The following CEP97 variants were observed in gnomAD, a reference collection of about 807,000 sequenced individuals.
CEP97 encodes centrosomal protein 97, also known as centrosomal protein of 97 kDa.
In CEP97, 43 loss-of-function variants were observed where a neutral mutation model predicts 73.1. The observed-to-expected ratio is 0.59, with a 90% confidence interval of 0.46 to 0.76. The LOEUF is 0.76. CEP97 is among the 30% of genes least tolerant of loss of function. The pLI is 0.00. For synonymous variants in CEP97, 337 were observed against 370.0 expected (o/e 0.91, Z 1.02); for missense variants, 939 against 1,014.0 (o/e 0.93, Z 1.00).
intron 6 of CEP97, among the ~76,000 whole-genome samples, chr3:101,748,842 G>A (rs907094105): frequency 6.6e-5 from 10 of 151,910 alleles, no homozygotes; most frequent in Admixed American, 3.3e-4. Flanking sequence ...GGGTTTCACC[G>A]TGTTAGCCAG....
At chr3:101,760,779 GTCC>G (rs1939151379) in intron 9 of CEP97, among the ~76,000 whole-genome samples, 1 of 152,078 alleles carries the variant, frequency 6.6e-6, no homozygotes, top group Non-Finnish European at 1.5e-5. Flanking sequence ...GCCTCAAGCA[GTCC>G]TCCTGCCTCA....
intron 6 of CEP97, among the ~76,000 whole-genome samples, chr3:101,733,491 TGTG>T (rs1358892972): frequency 1.3e-5 from 2 of 152,168 alleles, no homozygotes; most frequent in African/African-American, 2.4e-5. Flanking sequence ...TAGTAGCAGA[TGTG>T]GTGATTGGTC....
intron 6 of CEP97, among the ~76,000 whole-genome samples, chr3:101,750,547 TC>T (rs1938775476): frequency 6.6e-6 from 1 of 152,204 alleles, no homozygotes; most frequent in Non-Finnish European, 1.5e-5. Context: ...GGTCCTGGAC[TC>T]TTTTTGGTTG....
intron 4 of CEP97, among the ~76,000 whole-genome samples, chr3:101,731,260 G>A (rs1296104333): frequency 1.3e-5 from 2 of 148,642 alleles, no homozygotes; most frequent in Non-Finnish European, 3.0e-5. Flanking sequence ...GAGTGCAGTG[G>A]TGCAGTCATG....
intron 7 of CEP97, 140 bp from the exon 8 acceptor site, chr3:101,756,923 A>C: frequency 5.5e-6 from 4 of 721,330 alleles, no homozygotes; most frequent in Non-Finnish European, 6.7e-6. Flanking sequence ...TCAAATGAGG[A>C]TTTATAATTT....
chr3:101,767,282 A>G lies in CEP97; in HGVS notation c.*1731A>G, dbSNP rs1687976434. On this transcript the variant is annotated 3_prime_UTR_variant, in exon 11 of 11. Coordinates refer to ENST00000341893, the MANE Select transcript of CEP97 (RefSeq NM_024548.4). The stretch of plus-strand genomic sequence containing the variant: ...TCTTACTTTCAGAAGGATTTTCCTT[A>G]GTGAAACATGTGTAACATTGAATGC... 6.6e-6 allele frequency: 1 copy of G among 152,238 alleles called. No homozygotes were observed. The highest frequency in any genetic ancestry group is 2.4e-5 in the African/African-American group (1 of 41,456). 9.4% of individuals were successfully genotyped at this position (152,238 alleles called of 1,614,324 possible). A position where few individuals can be genotyped will look rare whatever the true frequency, so the allele number is the denominator to read the frequency against.
intron 6 of CEP97, among the ~76,000 whole-genome samples, chr3:101,743,640 C>T (rs1938524679): frequency 6.6e-6 from 1 of 152,140 alleles, no homozygotes; most frequent in African/African-American, 2.4e-5. Context: ...GAGCAGTCCT[C>T]TTACCTCAGC....
At chr3:101,731,526 T>C (rs373948769) in intron 4 of CEP97, among the ~76,000 whole-genome samples, 1 of 152,004 alleles carries the variant, frequency 6.6e-6, no homozygotes, top group South Asian at 2.1e-4. Flanking sequence ...TAAAAGAAAA[T>C]GAAAAAGTGT....
At chr3:101,753,737 G>A (rs9810873) in intron 6 of CEP97, among the ~76,000 whole-genome samples, 10 of 152,198 alleles carry the variant, frequency 6.6e-5, no homozygotes, top group African/African-American at 1.7e-4. Context: ...CTGGTGCACC[G>A]TTTTTTAAGC....
chr3:101,738,756 A>G (rs1229667115), intron 6 of CEP97, among the ~76,000 whole-genome samples: 2 of 152,216 alleles, frequency 1.3e-5, no homozygotes, highest in African/African-American at 4.8e-5. Context: ...TTAACACCGT[A>G]ACATAACAAT....
chr3:101,747,508 C>A (rs1308198342), intron 6 of CEP97, among the ~76,000 whole-genome samples: 1 of 151,564 alleles, frequency 6.6e-6, no homozygotes, highest in Non-Finnish European at 1.5e-5. Context: ...ATCCGCCCAC[C>A]TCAGCCTCCC....
intron 4 of CEP97, among the ~76,000 whole-genome samples, chr3:101,729,515 A>G (rs1196875208): frequency 1.3e-5 from 2 of 152,126 alleles, no homozygotes; most frequent in Non-Finnish European, 2.9e-5. Flanking sequence ...AATATTAGTA[A>G]CTTCAGTTAT....
At position 101,767,294 on chromosome 3, in the gene CEP97, G is replaced by A. The variant is rs536455375; in HGVS notation, c.*1743G>A. The A allele has an allele frequency of 6.6e-6, 1 of 152,244 alleles. No homozygotes were observed. Among genetic ancestry groups the A allele is most frequent in the South Asian group, 2.1e-4 (1 of 4,818 alleles). 9.4% of individuals were successfully genotyped at this position (152,244 alleles called of 1,614,324 possible). On this transcript the variant is annotated 3_prime_UTR_variant, in exon 11 of 11. Transcript: ENST00000341893. ...AAGGATTTTCCTTAGTGAAACATGT[G>A]TAACATTGAATGCATGTTAAATAAA...
At chr3:101,763,500 T>C (rs1939222743) in intron 10 of CEP97, among the ~76,000 whole-genome samples, 1 of 151,902 alleles carries the variant, frequency 6.6e-6, no homozygotes, top group Non-Finnish European at 1.5e-5. Context: ...CACACACCAG[T>C]GTGCTCAGCT....
intron 10 of CEP97, among the ~76,000 whole-genome samples, chr3:101,763,739 A>G (rs78646328): frequency 0.019 from 2,936 of 152,334 alleles, 58 homozygotes; most frequent in Non-Finnish European, 0.031. Context: ...AGAAAGTTGC[A>G]TATACTATAT....
At chr3:101,729,731 C>G (rs1376331059) in intron 4 of CEP97, among the ~76,000 whole-genome samples, 1 of 151,942 alleles carries the variant, frequency 6.6e-6, no homozygotes, top group Non-Finnish European at 1.5e-5. Flanking sequence ...ATCACCACAC[C>G]CAGCTAATTT....
In CEP97 at chr3:101,732,630, G is replaced by T; in HGVS notation, c.704G>T (p.Gly235Val). 8 of 1,608,804 alleles carry T rather than the reference G, an allele frequency of 5.0e-6. No individual in the cohort carries two copies. Among genetic ancestry groups the T allele is most frequent in the South Asian group, 1.1e-5 (1 of 90,116 alleles). Residue 235 changes from glycine (G) to valine (V), a missense_variant, in exon 6 of 11, where the codon GGA (glycine) becomes GTA (valine). Physicochemically the swap from Gly to Val is moderately radical, Grantham distance 109 (BLOSUM62 -3). Transcript: ENST00000341893. ...TGCCTAAACCTCAGAGTCCTAGATG[G>T]ATATGTGATTTCTCAGAAGGAAAGG... is the stretch of plus-strand genomic sequence containing the variant. ...SWCLNLRVLD[G>V]YVISQKESLK...
At chr3:101,724,802 A>G (rs2108362527) in intron 1 of CEP97, 83 bp downstream of exon 1, 2 of 1,429,096 alleles carry the variant, frequency 1.4e-6, no homozygotes, top group Non-Finnish European at 2.0e-6. Flanking sequence ...CTAGGTTTAG[A>G]TGTGCAGTTC....
At chr3:101,728,724 G>A in intron 3 of CEP97, 112 bp from the exon 4 acceptor site, 1 of 699,648 alleles carries the variant, frequency 1.4e-6, no homozygotes, top group Non-Finnish European at 2.5e-6. Context: ...CTTCTACTCT[G>A]CTTCTAATAA....
Sources: gnomAD v4.1 joint callset for allele counts (sites outside exome capture counted in the v4.1 genomes callset) on GRCh38, gnomAD v4.1.1 for gene constraint, MANE v1.5 for transcripts, NCBI Gene and HGNC (gene_info 2026-07-23, HGNC 2026-07-21) for gene names.